CNKSR2: variants seen among roughly 807,000 people sequenced by gnomAD.
CNKSR2 encodes the protein CNK homolog protein 2.
In CNKSR2, 14 loss-of-function variants were observed where a neutral mutation model predicts 84.4. The ratio of observed to expected loss-of-function variants is 0.17; its 90% CI spans 0.11 to 0.26. CNKSR2 has a LOEUF of 0.26. Among genes scored for constraint, CNKSR2 ranks in the 10% least tolerant of loss-of-function variants. The pLI is 1.00. For synonymous variants in CNKSR2, 275 were observed against 277.9 expected (o/e 0.99, Z 0.10); for missense variants, 485 against 771.2 (o/e 0.63, Z 4.40).
At chrX:21,547,615 A>G (rs963585227) in intron 11 of CNKSR2, among the ~76,000 whole-genome samples, 13 of 112,001 alleles carry the variant, frequency 1.2e-4, no homozygotes, top group African/African-American at 3.3e-4. Context: ...CCCCAAATCA[A>G]CAGAATATAC....
At chrX:21,518,230 C>A (rs756857728) in intron 9 of CNKSR2, among the ~76,000 whole-genome samples, 1 of 110,652 alleles carries the variant, frequency 9.0e-6, no homozygotes, top group Non-Finnish European at 1.9e-5. Context: ...TTGCTTTGCT[C>A]CCCCTAGAGT....
chrX:21,481,725 T>A (rs1569195920), intron 5 of CNKSR2, among the ~76,000 whole-genome samples: 1 of 112,102 alleles, frequency 8.9e-6, no homozygotes, highest in East Asian at 2.8e-4. Flanking sequence ...ATTCTCTTGC[T>A]GGCCTTGAAG....
intron 20 of CNKSR2, among the ~76,000 whole-genome samples, chrX:21,622,549 A>G (rs2092606338): frequency 8.9e-6 from 1 of 111,780 alleles, no homozygotes; most frequent in African/African-American, 3.2e-5. Context: ...TTAATAATCT[A>G]AGGTCCATAT....
intron 11 of CNKSR2, among the ~76,000 whole-genome samples, chrX:21,541,072 T>G (rs2091972678): frequency 9.1e-6 from 1 of 109,744 alleles, no homozygotes; most frequent in Non-Finnish European, 1.9e-5. Context: ...AACCTCCACT[T>G]CCCGGGTTCA....
intron 12 of CNKSR2, 112 bp downstream of exon 12, chrX:21,561,672 C>G (rs1232222869): frequency 1.8e-6 from 1 of 542,427 alleles, no homozygotes; most frequent in Non-Finnish European, 3.0e-6. Context: ...CTATCATTGA[C>G]TTTATTGTAC....
At chrX:21,563,477 C>T (rs912887320) in intron 13 of CNKSR2, 25 bp downstream of exon 13, 1 of 1,070,172 alleles carries the variant, frequency 9.3e-7, no homozygotes, top group African/African-American at 1.8e-5. Context: ...AAAGACTCTT[C>T]AATACAGCTT....
intron 11 of CNKSR2, among the ~76,000 whole-genome samples, chrX:21,546,143 C>G (rs932831518): frequency 2.7e-5 from 3 of 110,024 alleles, no homozygotes; most frequent in African/African-American, 1.0e-4. Flanking sequence ...AGAGCATGTT[C>G]TAACCCAATG....
chrX:21,375,310 G>A (rs2089793945), intron 1 of CNKSR2, among the ~76,000 whole-genome samples: 1 of 112,648 alleles, frequency 8.9e-6, no homozygotes. Context: ...TCCCAGCTCA[G>A]GGTGGACTCC....
At chrX:21,407,503 T>C (rs1421404975) in intron 1 of CNKSR2, among the ~76,000 whole-genome samples, 1 of 111,069 alleles carries the variant, frequency 9.0e-6, no homozygotes, top group Non-Finnish European at 1.9e-5. Context: ...TATTGTGTTC[T>C]CACAAGATTA....
At chrX:21,564,389 T>A (rs2092220235) in intron 13 of CNKSR2, among the ~76,000 whole-genome samples, 1 of 111,669 alleles carries the variant, frequency 9.0e-6, no homozygotes, top group Non-Finnish European at 1.9e-5. Context: ...ATATGGATGA[T>A]GAGAAACTAG....
chrX:21,396,856 G>A (rs1160606846), intron 1 of CNKSR2, among the ~76,000 whole-genome samples: 2 of 111,772 alleles, frequency 1.8e-5, no homozygotes, highest in Middle Eastern at 4.6e-3. Context: ...GAAATAGTAT[G>A]TTGCATAGAT....
chrX:21,476,257 T>G (rs987427928), intron 5 of CNKSR2, among the ~76,000 whole-genome samples: 1 of 111,317 alleles, frequency 9.0e-6, no homozygotes, highest in African/African-American at 3.3e-5. Context: ...GAAGGTAAGG[T>G]CACTATAAAC....
At chrX:21,605,352 T>C (rs753749154) in intron 18 of CNKSR2, among the ~76,000 whole-genome samples, 1 of 112,631 alleles carries the variant, frequency 8.9e-6, no homozygotes, top group Non-Finnish European at 1.9e-5. Flanking sequence ...TTAACTAGTC[T>C]TTGCTTATCT....
intron 5 of CNKSR2, among the ~76,000 whole-genome samples, chrX:21,478,864 A>G (rs113776351): frequency 0.015 from 1,703 of 111,792 alleles, 32 homozygotes; most frequent in African/African-American, 0.051. Context: ...TAAATTGAAG[A>G]ACTGTCTTTA....
At chrX:21,442,366 A>G (rs2090795843) in intron 4 of CNKSR2, among the ~76,000 whole-genome samples, 1 of 111,698 alleles carries the variant, frequency 9.0e-6, no homozygotes, top group African/African-American at 3.3e-5. Flanking sequence ...TGAGACAGGT[A>G]CCCACACACT....
At chrX:21,543,269 G>A (rs1448997270) in intron 11 of CNKSR2, among the ~76,000 whole-genome samples, 1 of 112,506 alleles carries the variant, frequency 8.9e-6, no homozygotes, top group East Asian at 2.8e-4. Flanking sequence ...GGAAATTTTT[G>A]TGTTCAAGTA....
chrX:21,562,016 C>T (rs1245368196), intron 12 of CNKSR2, among the ~76,000 whole-genome samples: 2 of 107,232 alleles, frequency 1.9e-5, no homozygotes, highest in Non-Finnish European at 3.9e-5. Context: ...TAACAAAAAC[C>T]ATGTAGAAAT....
At chrX:21,499,915 C>A (rs934317332) in intron 7 of CNKSR2, among the ~76,000 whole-genome samples, 3 of 110,781 alleles carry the variant, frequency 2.7e-5, no homozygotes, top group Non-Finnish European at 5.7e-5. Context: ...CTATCATTTT[C>A]TTCTACATAA....
chrX:21,407,526 C>T (rs1255250758), intron 1 of CNKSR2, among the ~76,000 whole-genome samples: 1 of 110,638 alleles, frequency 9.0e-6, no homozygotes, highest in East Asian at 2.8e-4. Flanking sequence ...AAGAACCCCT[C>T]ACCCCCTCCT....
Sources: allele counts gnomAD v4.1 joint callset (sites outside exome capture counted in the v4.1 genomes callset), GRCh38; gene constraint gnomAD v4.1.1; transcripts MANE v1.5; gene names NCBI Gene and HGNC (gene_info 2026-07-23, HGNC 2026-07-21).